The following PSME4 variants were observed in gnomAD, a reference collection of about 807,000 sequenced individuals.
The protein encoded by PSME4 is proteasome activator complex subunit 4.
In PSME4, 89 loss-of-function variants were observed where a neutral mutation model predicts 253.9. The ratio of observed to expected loss-of-function variants is 0.35; its 90% CI spans 0.30 to 0.42. The LOEUF (loss-of-function observed/expected upper bound fraction) is 0.42, where lower values mean the gene tolerates loss of function less well. PSME4 is among the 10% of genes least tolerant of loss of function. The pLI, the probability that PSME4 is intolerant of heterozygous loss-of-function variation, is 1.00. For synonymous variants in PSME4, 851 were observed against 759.2 expected (o/e 1.12, Z -1.99); for missense variants, 2,014 against 2,195.2 (o/e 0.92, Z 1.65).
chr2:53,964,363 C>T (rs981647456), intron 1 of PSME4, among the ~76,000 whole-genome samples: 3 of 152,142 alleles, frequency 2.0e-5, no homozygotes, highest in Non-Finnish European at 2.9e-5. Context: ...TGAAATATGT[C>T]TTATTGTGCT....
At chr2:53,898,460 C>A in intron 29 of PSME4, 106 bp from the exon 30 acceptor site, 1 of 835,568 alleles carries the variant, frequency 1.2e-6, no homozygotes, top group Non-Finnish European at 1.8e-6. Context: ...TCCCCACTTA[C>A]TTCCCACCAC....
At chr2:53,924,680 T>G (rs1334330883) in intron 14 of PSME4, among the ~76,000 whole-genome samples, 1 of 152,218 alleles carries the variant, frequency 6.6e-6, no homozygotes, top group Non-Finnish European at 1.5e-5. Context: ...ACATGCAGGT[T>G]TGTTACATAT....
intron 27 of PSME4, among the ~76,000 whole-genome samples, chr2:53,901,801 G>A (rs1680412099): frequency 6.6e-6 from 1 of 152,212 alleles, no homozygotes; most frequent in African/African-American, 2.4e-5. Flanking sequence ...CAGGTGAGGT[G>A]GCTCACGCCT....
At chr2:53,961,080 C>A (rs1573381734) in intron 1 of PSME4, among the ~76,000 whole-genome samples, 1 of 152,130 alleles carries the variant, frequency 6.6e-6, no homozygotes, top group Admixed American at 6.5e-5. Flanking sequence ...GCACTCCAGC[C>A]TGGGTGACAG....
Position 53,934,745 on chromosome 2 carries a change from T to C in PSME4, c.835-18A>G, listed in dbSNP as rs1669024476. On this transcript the variant is annotated intron_variant, in intron 7 of 46. Transcript: ENST00000404125. Reference sequence around the variant, plus strand: ...GTAAATATCTTTTAAAAGAAAAAAATAAGTAAGGATATTTACAGGTATCAA... The same window carrying C: ...GTAAATATCTTTTAAAAGAAAAAAACAAGTAAGGATATTTACAGGTATCAA... 1.3e-6 allele frequency: 2 copies of C among 1,537,906 alleles called. No individual in the cohort carries two copies. The highest frequency in any genetic ancestry group is 1.4e-5 in the African/African-American group (1 of 72,950).
At chr2:53,939,508 T>A (rs1439858585) in intron 4 of PSME4, among the ~76,000 whole-genome samples, 2 of 152,150 alleles carry the variant, frequency 1.3e-5, no homozygotes, top group East Asian at 3.9e-4. Flanking sequence ...GGAGGACTGC[T>A]TGAGGCCAGG....
In PSME4 at chr2:53,925,945, G is replaced by GTTGT; in HGVS notation, c.1658+13_1658+14insACAA. On this transcript the variant is annotated intron_variant, in intron 13 of 46. Transcript: ENST00000404125. ...AGAATTTCAGCTAAACGTTGGTGTG[G>GTTGT]GTTACAAGCTCACCTGTCCATAAAC... The GTTGT allele has an allele frequency of 6.2e-7, 1 of 1,606,068 alleles. No individual in the cohort carries two copies.
chr2:53,969,721 T>C (rs1670948149), intron 1 of PSME4, among the ~76,000 whole-genome samples: 1 of 148,876 alleles, frequency 6.7e-6, no homozygotes, highest in African/African-American at 2.5e-5. Flanking sequence ...TCAGTGACAC[T>C]ATAGTTTGAA....
At chr2:53,887,707 T>C (rs1256298959) in intron 39 of PSME4, 151 bp downstream of exon 39, 3 of 1,117,854 alleles carry the variant, frequency 2.7e-6, no homozygotes, top group South Asian at 1.7e-5. Flanking sequence ...GAGTGTTTCA[T>C]CTTGTTTCCC....
intron 36 of PSME4, among the ~76,000 whole-genome samples, chr2:53,892,230 C>T (rs995780006): frequency 6.6e-6 from 1 of 152,188 alleles, no homozygotes; most frequent in Non-Finnish European, 1.5e-5. Flanking sequence ...AAATAGTGGT[C>T]TACCTTATGC....
rs1382309901 is a variant in PSME4, at chr2:53,866,137, T to C, written c.5484A>G (p.Gln1828=). ...CAAGAAGATCGGTGAGAACAAGCAG[T>C]TGGTCATCAGTGAATTGCTGTTTAT... The part of the protein sequence containing the change: ...QEHKQQFTDD[Q]LLVLTDLLVS... Residue 1828 remains glutamine (Q), a synonymous_variant, in exon 46 of 47, where the codon CAA becomes CAG. Coordinates refer to ENST00000404125, the MANE Select transcript of PSME4 (RefSeq NM_014614.3). 6 of 1,613,124 alleles carry C rather than the reference T, an allele frequency of 3.7e-6. No homozygotes were observed. Among genetic ancestry groups the C allele is most frequent in the Non-Finnish European group, 5.1e-6 (6 of 1,179,180 alleles).
rs755256968 is a variant in PSME4, at chr2:53,928,221, A to C, written c.1399T>G (p.Leu467Val). 2 of 1,614,114 alleles carry C rather than the reference A, an allele frequency of 1.2e-6. No homozygotes were observed. The highest frequency in any genetic ancestry group is 1.7e-6 in the Non-Finnish European group (2 of 1,179,998). ...LSCVIGVARS[L>V]VSGGRWFPEG... Reference sequence around the variant, plus strand: ...GGAAACCATCTGCCTCCTGATACCAAACTGCGGGCTACTCCAATTACACAA... The same window carrying C: ...GGAAACCATCTGCCTCCTGATACCACACTGCGGGCTACTCCAATTACACAA... The change falls in exon 11 of 47, where the codon TTG (leucine) becomes GTG (valine). Residue 467 changes from leucine to valine, a missense_variant. Leu to Val is a conservative substitution (Grantham distance 32). Around this residue, in one of 4 missense-constraint regions of PSME4, gnomAD observed 615 missense variants for 594.4 expected, o/e 1.03. Coordinates refer to ENST00000404125, the MANE Select transcript of PSME4 (RefSeq NM_014614.3).
chr2:53,899,748 G>A (rs1451599438), intron 29 of PSME4, 133 bp downstream of exon 29: 10 of 1,078,724 alleles, frequency 9.3e-6, no homozygotes, highest in African/African-American at 6.4e-5. Context: ...AACCCAGGAG[G>A]TGAAGGTTGC....
rs898740238 is a variant in PSME4 at position 53,935,320 on chromosome 2, A to G, written c.835-593T>C. Among the ~76,000 whole-genome samples, 6 of 152,174 alleles carry G rather than the reference A, an allele frequency of 3.9e-5. No individual in the cohort carries two copies. In the South Asian group the frequency reaches 8.3e-4, roughly 21 times the overall value. ...GGGGAGAAATGATTTCTCTTCCACAATTAGTTTCTAATGGCCAAACAACAC... is the reference window on the plus strand; with the variant it reads ...GGGGAGAAATGATTTCTCTTCCACAGTTAGTTTCTAATGGCCAAACAACAC... On this transcript the variant is annotated intron_variant, in intron 7 of 46. Coordinates refer to ENST00000404125, the MANE Select transcript of PSME4 (RefSeq NM_014614.3).
intron 1 of PSME4, among the ~76,000 whole-genome samples, chr2:53,954,558 G>A (rs1222404356): frequency 6.6e-6 from 1 of 152,046 alleles, no homozygotes; most frequent in Non-Finnish European, 1.5e-5. Context: ...AATAATTCAG[G>A]TCAGGTGTAG....
Position 53,890,435 on chromosome 2 carries a change from G to T in PSME4, c.4192-227C>A, listed in dbSNP as rs1276228590. Among the ~76,000 whole-genome samples the T allele has an allele frequency of 4.6e-5, 7 of 152,222 alleles. No homozygotes were observed. In the South Asian group the frequency reaches 1.0e-3, roughly 23 times the overall value. On this transcript the variant is annotated intron_variant, in intron 36 of 46. Coordinates refer to ENST00000404125, the MANE Select transcript of PSME4 (RefSeq NM_014614.3). ...GATCCACTCGCTTCAGCCTTCCAAGGAGCATGGACTATAGGTGTGTGCCAC... is the reference window on the plus strand; with the variant it reads ...GATCCACTCGCTTCAGCCTTCCAAGTAGCATGGACTATAGGTGTGTGCCAC...
chr2:53,901,314 A>C, intron 28 of PSME4, 36 bp downstream of exon 28: 1 of 1,539,774 alleles, frequency 6.5e-7, no homozygotes, highest in Non-Finnish European at 9.0e-7. Flanking sequence ...GACAGGATTT[A>C]CACTAAAACT....
At chr2:53,937,349 C>T in intron 5 of PSME4, 42 bp downstream of exon 5, 4 of 1,467,048 alleles carry the variant, frequency 2.7e-6, no homozygotes, top group Non-Finnish European at 2.8e-6. Flanking sequence ...TCTGTATTTC[C>T]TACCGTATTT....
intron 26 of PSME4, among the ~76,000 whole-genome samples, chr2:53,904,631 C>T (rs1257095818): frequency 6.6e-6 from 1 of 152,132 alleles, no homozygotes; most frequent in East Asian, 1.9e-4. Flanking sequence ...ATATTTTTGA[C>T]CCAAACAAAA....
Sources: gnomAD v4.1 joint callset for allele counts (sites outside exome capture counted in the v4.1 genomes callset) on GRCh38, gnomAD v4.1.1 for gene constraint, gnomAD v4.1.1 regional missense constraint, MANE v1.5 for transcripts, NCBI Gene and HGNC (gene_info 2026-07-23, HGNC 2026-07-21) for gene names.